The following SCARA5 variants were observed in gnomAD, a reference collection of about 807,000 sequenced individuals.
SCARA5 encodes the protein scavenger receptor class A, member 5 (putative).
Under a neutral mutation model 46.3 loss-of-function variants are expected in SCARA5, and 45 were observed. The observed-to-expected ratio is 0.97, with a 90% CI of 0.76 to 1.24. The LOEUF (loss-of-function observed/expected upper bound fraction) is 1.24. Ranked by LOEUF, SCARA5 falls within the 50% of genes most tolerant of loss-of-function variation. The pLI is 0.00. For synonymous variants in SCARA5, 333 were observed against 306.5 expected, an observed-to-expected ratio of 1.09 and a Z score of -0.90; for missense variants, 680 against 689.0, an observed-to-expected ratio of 0.99 and a Z score of 0.15.
rs59063233 is a variant in SCARA5, at chr8:27,931,686, C to G, written c.242-9441G>C. Among the ~76,000 whole-genome samples, 1,108 of 152,178 alleles carry G rather than the reference C, an allele frequency of 7.3e-3. 9 individuals carry two copies. The highest frequency in any genetic ancestry group is 0.025 in the African/African-American group (1,056 of 41,512). Reference sequence around the variant, plus strand: ...TTTTTATTTATTTATTTATTTTACACAGAGTCTCGCTCTGTCACCCAGGCA... The same window carrying G: ...TTTTTATTTATTTATTTATTTTACAGAGAGTCTCGCTCTGTCACCCAGGCA... On this transcript the variant is annotated intron_variant, in intron 3 of 8. Transcript: ENST00000354914.
At chr8:27,956,857 G>A (rs780878571) in intron 3 of SCARA5, among the ~76,000 whole-genome samples, 8 of 152,180 alleles carry the variant, frequency 5.3e-5, no homozygotes, top group African/African-American at 1.2e-4. Flanking sequence ...AGCCTTGGGC[G>A]AGGTCAGCCA....
rs933133718 is a variant in SCARA5 at position 27,942,527 on chromosome 8, G to A, written c.242-20282C>T. ...CACCTGCCCTCCTCTGGCCATGCCC[G>A]GATCACTGCCATGCCTGGATCCAGA... On this transcript the variant is annotated intron_variant, in intron 3 of 8. Transcript: ENST00000354914. Among the ~76,000 whole-genome samples, 11 of 152,238 alleles carry A rather than the reference G, an allele frequency of 7.2e-5. No individual in the cohort carries two copies. The South Asian group carries it at 1.0e-3, about 14-fold the overall frequency.
At chr8:27,899,592 G>T (rs1355635236) in intron 7 of SCARA5, among the ~76,000 whole-genome samples, 1 of 152,218 alleles carries the variant, frequency 6.6e-6, no homozygotes, top group Non-Finnish European at 1.5e-5. Context: ...GACAGCCAAG[G>T]CTCCGCCATT....
chr8:27,941,007 A>C (rs544257135), intron 3 of SCARA5, among the ~76,000 whole-genome samples: 1 of 152,310 alleles, frequency 6.6e-6, no homozygotes, highest in Non-Finnish European at 1.5e-5. Flanking sequence ...TTTGCTAGTG[A>C]CAATCATCAA....
intron 7 of SCARA5, among the ~76,000 whole-genome samples, chr8:27,894,502 G>A (rs1248839254): frequency 6.6e-6 from 1 of 152,180 alleles, no homozygotes; most frequent in Non-Finnish European, 1.5e-5. Context: ...GAAGCACCTG[G>A]GAAGCTCTGA....
At chr8:27,962,837 C>T (rs1299970683) in intron 3 of SCARA5, among the ~76,000 whole-genome samples, 5 of 152,198 alleles carry the variant, frequency 3.3e-5, no homozygotes, top group Non-Finnish European at 5.9e-5. Context: ...CATCTCATGA[C>T]GTTTTATTCC....
In SCARA5 at chr8:27,879,776, C is replaced by G; in HGVS notation, c.1154-10G>C. ...GGGGCCTCCACGCCACCTGCCGGAG[C>G]AGCCAACTGTCACTACCCAGCTCTA... On this transcript the variant is annotated splice_polypyrimidine_tract_variant and intron_variant, in intron 7 of 8. Coordinates refer to ENST00000354914, the MANE Select transcript of SCARA5 (RefSeq NM_173833.6). 1 of 1,612,080 alleles carries G rather than the reference C, an allele frequency of 6.2e-7. No individual in the cohort carries two copies. Among genetic ancestry groups the G allele is most frequent in the Non-Finnish European group, 8.5e-7 (1 of 1,179,910 alleles).
At chr8:27,929,394 G>T (rs1807732209) in intron 3 of SCARA5, among the ~76,000 whole-genome samples, 1 of 152,138 alleles carries the variant, frequency 6.6e-6, no homozygotes, top group Non-Finnish European at 1.5e-5. Flanking sequence ...AGTGCCAGCT[G>T]GGTAGGTACA....
intron 7 of SCARA5, among the ~76,000 whole-genome samples, chr8:27,901,542 C>T (rs1015688051): frequency 6.6e-6 from 1 of 152,148 alleles, no homozygotes; most frequent in African/African-American, 2.4e-5. Flanking sequence ...AGCCTTGGCT[C>T]TCCCCCACAG....
chr8:27,918,678 AT>A (rs1807514706), intron 4 of SCARA5, among the ~76,000 whole-genome samples: 5 of 23,226 alleles, frequency 2.2e-4, no homozygotes, highest in Admixed American at 6.7e-4. Context: ...GAAAAGGAAG[AT>A]GAGGAGGAAA....
At chr8:27,891,539 C>A (rs28706105) in intron 7 of SCARA5, among the ~76,000 whole-genome samples, 2,033 of 152,238 alleles carry the variant, frequency 0.013, 41 homozygotes, top group African/African-American at 0.046. Context: ...AGATTCCGCT[C>A]CTAGGATGAT....
chr8:27,986,825 T>C (rs1005839648), intron 2 of SCARA5, among the ~76,000 whole-genome samples: 9 of 152,206 alleles, frequency 5.9e-5, no homozygotes, highest in Non-Finnish European at 1.2e-4. Flanking sequence ...ATTCTATTTC[T>C]CTTTGACGTG....
intron 1 of SCARA5, among the ~76,000 whole-genome samples, chr8:27,988,520 G>A (rs892183142): frequency 1.4e-4 from 22 of 152,242 alleles, no homozygotes; most frequent in African/African-American, 4.6e-4. Flanking sequence ...ATGGCTCCGG[G>A]TGAGAAATGT....
At chr8:27,961,682 T>A (rs1808296748) in intron 3 of SCARA5, among the ~76,000 whole-genome samples, 1 of 152,174 alleles carries the variant, frequency 6.6e-6, no homozygotes, top group Non-Finnish European at 1.5e-5. Flanking sequence ...TCCCTACTTG[T>A]AACCAGCGTG....
intron 2 of SCARA5, among the ~76,000 whole-genome samples, chr8:27,973,302 C>A (rs890231973): frequency 3.9e-5 from 6 of 152,044 alleles, no homozygotes; most frequent in Non-Finnish European, 2.9e-5. Flanking sequence ...CATGAAAAAA[C>A]CCCATCTCTA....
chr8:27,925,723 T>A (rs1807669930), intron 3 of SCARA5, among the ~76,000 whole-genome samples: 1 of 152,052 alleles, frequency 6.6e-6, no homozygotes, highest in African/African-American at 2.4e-5. Context: ...ATATCCAGAA[T>A]CTACAAAGAA....
chr8:27,963,161 G>C (rs932146040), intron 3 of SCARA5, among the ~76,000 whole-genome samples: 8 of 152,160 alleles, frequency 5.3e-5, no homozygotes, highest in Admixed American at 1.3e-4. Flanking sequence ...GATGGTTCCT[G>C]ATGACCACAC....
intron 7 of SCARA5, 152 bp downstream of exon 7, chr8:27,904,626 A>C: frequency 1.3e-6 from 1 of 763,132 alleles, no homozygotes; most frequent in Non-Finnish European, 2.4e-6. Context: ...TTGCTAGACC[A>C]GCAGAGCCCT....
At chr8:27,925,482 T>C (rs1000655422) in intron 3 of SCARA5, among the ~76,000 whole-genome samples, 45 of 152,174 alleles carry the variant, frequency 3.0e-4, no homozygotes, top group African/African-American at 1.1e-3. Flanking sequence ...TATACAAAAA[T>C]TAATTCAAGA....
Sources: gnomAD v4.1 joint callset for allele counts (sites outside exome capture counted in the v4.1 genomes callset) on GRCh38, gnomAD v4.1.1 for gene constraint, MANE v1.5 for transcripts, NCBI Gene and HGNC (gene_info 2026-07-23, HGNC 2026-07-21) for gene names.